The following NEK6 variants were observed in gnomAD, a reference collection of about 807,000 sequenced individuals.
The protein encoded by NEK6 is serine/threonine-protein kinase Nek6.
In NEK6, 27 loss-of-function variants were observed where a neutral mutation model predicts 43.5. The observed-to-expected ratio is 0.62, with a 90% CI of 0.46 to 0.86. The LOEUF is 0.86. Among genes scored for constraint, NEK6 ranks in the 40% least tolerant of loss-of-function variants. NEK6 has a pLI of 0.00. For synonymous variants in NEK6, 167 were observed against 164.1 expected, an observed-to-expected ratio of 1.02 and a Z score of -0.14; for missense variants, 318 against 414.4, an observed-to-expected ratio of 0.77 and a Z score of 2.02.
chr9:124,318,765 G>A (rs188449981), intron 4 of NEK6, among the ~76,000 whole-genome samples: 3 of 151,538 alleles, frequency 2.0e-5, no homozygotes, highest in Admixed American at 2.0e-4. Context: ...ACCGTCTCCC[G>A]GGTTCAAGCG....
At chr9:124,278,363 G>A (rs1179292003) in intron 1 of NEK6, among the ~76,000 whole-genome samples, 1 of 151,680 alleles carries the variant, frequency 6.6e-6, no homozygotes, top group Non-Finnish European at 1.5e-5. Context: ...TAGGCGTTGG[G>A]GGCATGGGCT....
intron 6 of NEK6, among the ~76,000 whole-genome samples, chr9:124,327,136 G>A (rs1834379138): frequency 6.6e-6 from 1 of 152,200 alleles, no homozygotes; most frequent in Non-Finnish European, 1.5e-5. Context: ...AGTTGGTGGA[G>A]GGAGACCCAT....
intron 1 of NEK6, among the ~76,000 whole-genome samples, chr9:124,260,515 T>C (rs746190893): frequency 6.6e-6 from 1 of 152,154 alleles, no homozygotes; most frequent in Non-Finnish European, 1.5e-5. Flanking sequence ...TGCCTCAGCC[T>C]CCTCCTGAGT....
At chr9:124,259,961 G>A (rs567505487) in intron 1 of NEK6, among the ~76,000 whole-genome samples, 1 of 152,320 alleles carries the variant, frequency 6.6e-6, no homozygotes, top group South Asian at 2.1e-4. Context: ...GCAGAGGAGG[G>A]AAATGGGGAG....
intron 1 of NEK6, among the ~76,000 whole-genome samples, chr9:124,300,537 G>A (rs1832916332): frequency 6.6e-6 from 1 of 152,142 alleles, no homozygotes; most frequent in Admixed American, 6.5e-5. Context: ...GACGTCTTTG[G>A]CTGGGTCCTC....
At chr9:124,321,334 C>T in intron 4 of NEK6, 125 bp from the exon 5 acceptor site, 1 of 628,918 alleles carries the variant, frequency 1.6e-6, no homozygotes, top group Non-Finnish European at 2.9e-6. Context: ...TTCCCTGGGA[C>T]CCACTTCTCT....
At position 124,307,195 on chromosome 9, in the gene NEK6, G is replaced by A. The variant is rs111505693; in HGVS notation, c.90+5141G>A. ...GTTCAAACATTTTAAACTCAAATTA[G>A]CGCAGGGTGGGGGGTGTTTGTGGCC... On this transcript the variant is annotated intron_variant, in intron 2 of 9. Transcript: ENST00000320246. Among the ~76,000 whole-genome samples, 524 of 152,098 alleles carry A rather than the reference G, an allele frequency of 3.4e-3. 3 individuals are homozygous for A. Among genetic ancestry groups the A allele is most frequent in the African/African-American group, 0.012 (501 of 41,466 alleles).
intron 2 of NEK6, among the ~76,000 whole-genome samples, chr9:124,311,784 G>T (rs1238729251): frequency 6.6e-6 from 1 of 152,200 alleles, no homozygotes; most frequent in East Asian, 1.9e-4. Context: ...CTGCCTCCTG[G>T]GTTCAAGCGA....
At chr9:124,266,311 C>T (rs759423909) in intron 1 of NEK6, among the ~76,000 whole-genome samples, 2 of 152,182 alleles carry the variant, frequency 1.3e-5, no homozygotes, top group Non-Finnish European at 2.9e-5. Flanking sequence ...ATGTGGGTAT[C>T]GTTCTGCCCA....
At chr9:124,334,414 G>C (rs992343163) in intron 7 of NEK6, among the ~76,000 whole-genome samples, 1 of 152,212 alleles carries the variant, frequency 6.6e-6, no homozygotes, top group Admixed American at 6.5e-5. Flanking sequence ...CCTTTTCTCC[G>C]TACACCAGTG....
intron 8 of NEK6, among the ~76,000 whole-genome samples, chr9:124,340,992 A>AC (rs1829582961): frequency 6.6e-6 from 1 of 152,172 alleles, no homozygotes; most frequent in Non-Finnish European, 1.5e-5. Context: ...ACAGATTGAG[A>AC]CTATGAGTTC....
intron 1 of NEK6, among the ~76,000 whole-genome samples, chr9:124,301,143 T>C (rs561748120): frequency 4.3e-4 from 65 of 152,324 alleles, no homozygotes; most frequent in Admixed American, 1.0e-3. Context: ...ACAGGTTCTA[T>C]GCACATAACC....
chr9:124,349,603 T>C (rs1479149065), intron 9 of NEK6, among the ~76,000 whole-genome samples: 1 of 152,228 alleles, frequency 6.6e-6, no homozygotes, highest in Admixed American at 6.5e-5. Context: ...AAGACACTTT[T>C]ATTATTTTTC....
chr9:124,279,704 C>G (rs1425996741), intron 1 of NEK6, among the ~76,000 whole-genome samples: 1 of 152,224 alleles, frequency 6.6e-6, no homozygotes, highest in African/African-American at 2.4e-5. Context: ...GAATTTGCTG[C>G]ATGATCTGAT....
chr9:124,273,856 A>G (rs970979707), intron 1 of NEK6, among the ~76,000 whole-genome samples: 1 of 152,166 alleles, frequency 6.6e-6, no homozygotes, highest in Non-Finnish European at 1.5e-5. Context: ...TGCTGGCAAA[A>G]GCAGGTTTTA....
intron 2 of NEK6, among the ~76,000 whole-genome samples, chr9:124,308,417 C>T (rs765405934): frequency 2.9e-4 from 44 of 152,020 alleles, no homozygotes; most frequent in Non-Finnish European, 5.4e-4. Flanking sequence ...TTTGGGAGGC[C>T]GAGGCAGGTG....
In NEK6 at chr9:124,306,901, A is replaced by G. The variant is rs1458287413; in HGVS notation, c.90+4847A>G. Among the ~76,000 whole-genome samples the G allele has an allele frequency of 2.0e-5, 3 of 152,226 alleles. No individual in the cohort carries two copies. In the East Asian group the frequency reaches 5.8e-4, roughly 29 times the overall value. ...GTCTTTAAAGGTGAAATTCGTTTAT[A>G]AGAAATGTCATCCTGATGAAGTGTG... On this transcript the variant is annotated intron_variant, in intron 2 of 9. Coordinates refer to ENST00000320246, the MANE Select transcript of NEK6 (RefSeq NM_014397.6).
chr9:124,281,648 C>T (rs988199463), intron 1 of NEK6, among the ~76,000 whole-genome samples: 2 of 151,756 alleles, frequency 1.3e-5, no homozygotes, highest in African/African-American at 4.8e-5. Context: ...TTACAGGTGC[C>T]TGCCACCACA....
chr9:124,284,621 T>C (rs990236112), intron 1 of NEK6, among the ~76,000 whole-genome samples: 17 of 152,374 alleles, frequency 1.1e-4, no homozygotes, highest in Admixed American at 9.1e-4. Context: ...AGGCGGTCTC[T>C]ATGGAGTTGT....
Sources: allele counts gnomAD v4.1 joint callset (sites outside exome capture counted in the v4.1 genomes callset), GRCh38; gene constraint gnomAD v4.1.1; transcripts MANE v1.5; gene names NCBI Gene and HGNC (gene_info 2026-07-23, HGNC 2026-07-21).